SLCO2B1: variants seen among roughly 807,000 people sequenced by gnomAD.
SLCO2B1 encodes solute carrier organic anion transporter family member 2B1.
In SLCO2B1, 41 loss-of-function variants were observed where a neutral mutation model predicts 67.3. That is an observed-to-expected ratio of 0.61 (90% CI 0.47 to 0.79). SLCO2B1 has a LOEUF of 0.79. Ranked by LOEUF, SLCO2B1 falls within the 30% of genes least tolerant of loss-of-function variation. The pLI, the probability that SLCO2B1 is intolerant of heterozygous loss-of-function variation, is 0.00. For missense variants in SLCO2B1, 837 were observed against 920.1 expected, an observed-to-expected ratio of 0.91 and a Z score of 1.17; for synonymous variants, 379 against 381.4, an observed-to-expected ratio of 0.99 and a Z score of 0.07.
chr11:75,190,529 A>G (rs1945001826), intron 8 of SLCO2B1, among the ~76,000 whole-genome samples: 1 of 152,072 alleles, frequency 6.6e-6, no homozygotes, highest in African/African-American at 2.4e-5. Context: ...CTAATGTGAG[A>G]GATACAATCT....
chr11:75,170,137 T>A (rs1007400220), intron 6 of SLCO2B1: 2 of 220,558 alleles, frequency 9.1e-6, no homozygotes, highest in African/African-American at 4.6e-5. Flanking sequence ...CTCTTGCCTG[T>A]AGGGAGCCCC....
In SLCO2B1 at chr11:75,205,480, C is replaced by T. The variant is rs1036781730; in HGVS notation, c.*900C>T. 8.5e-5 allele frequency: 13 copies of T among 152,274 alleles called. No individual in the cohort carries two copies. Among genetic ancestry groups the T allele is most frequent in the African/African-American group, 2.9e-4 (12 of 41,474 alleles). The allele number at this position is 152,274 out of a possible 1,614,324, so 9.4% of individuals were successfully genotyped here. Reference sequence around the variant, plus strand: ...TCCTACACATTGCCAAGATTTCACACATGTGACCAGGGGCCACCAAAGTCC... The same window carrying T: ...TCCTACACATTGCCAAGATTTCACATATGTGACCAGGGGCCACCAAAGTCC... On this transcript the variant is annotated 3_prime_UTR_variant, in exon 14 of 14. Coordinates refer to ENST00000289575, the MANE Select transcript of SLCO2B1 (RefSeq NM_007256.5).
At chr11:75,187,309 T>A (rs1271260954) in intron 7 of SLCO2B1, among the ~76,000 whole-genome samples, 1 of 152,176 alleles carries the variant, frequency 6.6e-6, no homozygotes. Flanking sequence ...TCTCTTCCCC[T>A]CTTTTTCAAG....
At chr11:75,182,483 C>T (rs1738432443) in intron 7 of SLCO2B1, among the ~76,000 whole-genome samples, 1 of 152,248 alleles carries the variant, frequency 6.6e-6, no homozygotes, top group African/African-American at 2.4e-5. Context: ...TGGCTCACGC[C>T]TGTAATCTCA....
chr11:75,186,213 T>C (rs1307809170), intron 7 of SLCO2B1, among the ~76,000 whole-genome samples: 3 of 140,470 alleles, frequency 2.1e-5, no homozygotes. Context: ...ACCTGGCTGA[T>C]TTTTTTTTTT....
intron 7 of SLCO2B1, among the ~76,000 whole-genome samples, chr11:75,172,905 G>T (rs1038234413): frequency 2.0e-5 from 3 of 151,260 alleles, no homozygotes; most frequent in Non-Finnish European, 2.9e-5. Flanking sequence ...CTCCAGCCTG[G>T]GCAACAAAGC....
intron 1 of SLCO2B1, among the ~76,000 whole-genome samples, chr11:75,158,796 T>G (rs1425943284): frequency 6.6e-6 from 1 of 152,200 alleles, no homozygotes; most frequent in Non-Finnish European, 1.5e-5. Context: ...GTCTGAGGCC[T>G]TAAAGCCTAT....
chr11:75,184,189 A>G (rs1950122192), intron 7 of SLCO2B1, among the ~76,000 whole-genome samples: 1 of 152,140 alleles, frequency 6.6e-6, no homozygotes, highest in African/African-American at 2.4e-5. Context: ...GGTTAGAACC[A>G]TCTCTTGCGC....
chr11:75,175,422 A>G (rs1304973030), intron 7 of SLCO2B1, among the ~76,000 whole-genome samples: 1 of 152,040 alleles, frequency 6.6e-6, no homozygotes, highest in Non-Finnish European at 1.5e-5. Flanking sequence ...GCAGGGCGAG[A>G]GAATGGGCAA....
chr11:75,203,268 G>A lies in SLCO2B1; in HGVS notation c.1829-39G>A, dbSNP rs79536562. The A allele has an allele frequency of 1.1e-4, 177 of 1,606,330 alleles. No homozygotes were observed. In the African/African-American group the frequency reaches 1.8e-3, roughly 17 times the overall value. On this transcript the variant is annotated intron_variant, in intron 12 of 13. Coordinates refer to ENST00000289575, the MANE Select transcript of SLCO2B1 (RefSeq NM_007256.5). ...TGCCAGGGAGGGGGCAGGGTAGGAC[G>A]GTGGGCCTTCATTGTCCCCTGAGCA...
At chr11:75,191,642 G>A (rs1036837093) in intron 8 of SLCO2B1, among the ~76,000 whole-genome samples, 1 of 152,174 alleles carries the variant, frequency 6.6e-6, no homozygotes, top group Non-Finnish European at 1.5e-5. Flanking sequence ...CAGAGGCCCT[G>A]GTCCTGCTGC....
Position 75,169,186 on chromosome 11 carries a change from G to A in SLCO2B1, c.462G>A (p.Gln154=). 6.2e-7 allele frequency: 1 copy of A among 1,613,128 alleles called. No homozygotes were observed. The highest frequency in any genetic ancestry group is 8.5e-7 in the Non-Finnish European group (1 of 1,179,246). ...GTCGTCTCTCAGAGGATATGCCACA[G>A]GACTTCAAGGCTTCCCTGTGCCTGC... The part of the protein sequence containing the change: ...YDNTSPEDMP[Q]DFKASLCLPT... Residue 154 remains glutamine (Q), a synonymous_variant, in exon 5 of 14, where the codon CAG becomes CAA. Transcript: ENST00000289575.
At chr11:75,167,981 C>A (rs1316673685) in intron 4 of SLCO2B1, among the ~76,000 whole-genome samples, 2 of 149,718 alleles carry the variant, frequency 1.3e-5, no homozygotes, top group African/African-American at 4.9e-5. Context: ...GCAACCCCTG[C>A]CTCCCAGGTT....
In SLCO2B1 at chr11:75,160,000, A is replaced by C. The variant is rs540395931; in HGVS notation, c.17-2655A>C. ...CAGCAAGGATGCCACCAGTATACCC[A>C]GGAAGCTAAGTGGAGGGTCCAGGGT... On this transcript the variant is annotated intron_variant, in intron 1 of 13. Transcript: ENST00000289575. The C allele has an allele frequency of 3.4e-5, 11 of 327,302 alleles. No individual in the cohort carries two copies. In the South Asian group the frequency reaches 1.2e-3, roughly 36 times the overall value. 20.3% of individuals were successfully genotyped at this position (327,302 alleles called of 1,614,324 possible).
At chr11:75,172,981 G>A (rs1949983316) in intron 7 of SLCO2B1, among the ~76,000 whole-genome samples, 1 of 151,932 alleles carries the variant, frequency 6.6e-6, no homozygotes, top group Non-Finnish European at 1.5e-5. Flanking sequence ...CTTTCTGCCT[G>A]GGCTCCATCA....
At chr11:75,201,004 G>A (rs1191944705) in intron 11 of SLCO2B1, 1 of 144,026 alleles carries the variant, frequency 6.9e-6, no homozygotes, top group African/African-American at 2.7e-5. Context: ...AGGACTGAGT[G>A]AGAAAAAAAT....
At chr11:75,176,951 G>A (rs1428791534) in intron 7 of SLCO2B1, among the ~76,000 whole-genome samples, 3 of 152,234 alleles carry the variant, frequency 2.0e-5, no homozygotes, top group Non-Finnish European at 1.5e-5. Context: ...CCTTGCACCT[G>A]TCTGTACAAA....
At chr11:75,171,418 G>C (rs1447005587) in intron 6 of SLCO2B1, among the ~76,000 whole-genome samples, 1 of 152,068 alleles carries the variant, frequency 6.6e-6, no homozygotes, top group Non-Finnish European at 1.5e-5. Context: ...CATCACACCT[G>C]GGTAACTTTT....
intron 7 of SLCO2B1, among the ~76,000 whole-genome samples, chr11:75,181,712 A>G (rs1950093987): frequency 6.6e-6 from 1 of 152,306 alleles, no homozygotes; most frequent in East Asian, 1.9e-4. Flanking sequence ...CACACAGCAC[A>G]TGGTGTCCGG....
Sources: allele counts gnomAD v4.1 joint callset (sites outside exome capture counted in the v4.1 genomes callset), GRCh38; gene constraint gnomAD v4.1.1; transcripts MANE v1.5; gene names NCBI Gene and HGNC (gene_info 2026-07-23, HGNC 2026-07-21).